Variants in PTPRG observed in about 807,000 individuals in gnomAD.
PTPRG encodes protein tyrosine phosphatase receptor type G.
A neutral mutation model predicts 165.3 loss-of-function variants in PTPRG; 102 were observed. That is an observed-to-expected ratio of 0.62 (90% CI 0.53 to 0.73). The LOEUF (loss-of-function observed/expected upper bound fraction) is 0.73. Among genes scored for constraint, PTPRG ranks in the 30% least tolerant of loss-of-function variants. PTPRG has a pLI of 0.00. For missense variants in PTPRG, 1,866 were observed against 1,861.4 expected, an observed-to-expected ratio of 1.00 and a Z score of -0.05; for synonymous variants, 675 against 669.5, an observed-to-expected ratio of 1.01 and a Z score of -0.13.
chr3:61,926,759 A>G lies in PTPRG; in HGVS notation c.191-62866A>G, dbSNP rs370698590. The stretch of plus-strand genomic sequence containing the variant: ...AGTTTGTAGTGATATCTCAGATTTA[A>G]TCCACATCTTAGTACATTTTATGGT... On this transcript the variant is annotated intron_variant, in intron 2 of 29. Coordinates refer to ENST00000474889, the MANE Select transcript of PTPRG (RefSeq NM_002841.4). 5.3e-5 allele frequency among the ~76,000 whole-genome samples: 8 copies of G among 152,030 alleles called. No homozygotes were observed. The East Asian group carries it at 7.8e-4, about 15-fold the overall frequency.
intron 2 of PTPRG, among the ~76,000 whole-genome samples, chr3:61,844,030 C>T (rs1331865685): frequency 1.4e-5 from 2 of 147,412 alleles, no homozygotes; most frequent in African/African-American, 5.0e-5. Flanking sequence ...GTGGCACAAT[C>T]TCGTCTCACT....
chr3:61,815,908 A>G (rs779076018), intron 2 of PTPRG, among the ~76,000 whole-genome samples: 1 of 152,162 alleles, frequency 6.6e-6, no homozygotes, highest in Non-Finnish European at 1.5e-5. Context: ...CATTATTTTC[A>G]TTTTTATTTC....
chr3:62,011,723 C>T (rs2041426562), intron 4 of PTPRG, among the ~76,000 whole-genome samples: 1 of 152,146 alleles, frequency 6.6e-6, no homozygotes, highest in Admixed American at 6.5e-5. Flanking sequence ...AGAGAATACT[C>T]AGTGGAGAAG....
intron 1 of PTPRG, among the ~76,000 whole-genome samples, chr3:61,587,555 A>C (rs1700462120): frequency 6.6e-6 from 1 of 152,214 alleles, no homozygotes; most frequent in African/African-American, 2.4e-5. Context: ...ACTCAGATAC[A>C]TTCTGTTATG....
At chr3:62,007,747 C>G (rs549225042) in intron 4 of PTPRG, among the ~76,000 whole-genome samples, 1 of 152,166 alleles carries the variant, frequency 6.6e-6, no homozygotes, top group Non-Finnish European at 1.5e-5. Context: ...GGGATGGAAG[C>G]TTTCAATGGA....
At chr3:62,160,051 T>C (rs1704689523) in intron 7 of PTPRG, among the ~76,000 whole-genome samples, 1 of 152,246 alleles carries the variant, frequency 6.6e-6, no homozygotes, top group African/African-American at 2.4e-5. Flanking sequence ...AGGAATTCCA[T>C]GTCTGCCTCT....
At chr3:62,072,976 T>C (rs966830722) in intron 4 of PTPRG, among the ~76,000 whole-genome samples, 6 of 151,886 alleles carry the variant, frequency 4.0e-5, no homozygotes, top group Non-Finnish European at 7.4e-5. Flanking sequence ...TGCTAAAAAA[T>C]AAAAAAATAG....
intron 2 of PTPRG, among the ~76,000 whole-genome samples, chr3:61,828,768 G>GT (rs1203278512): frequency 1.3e-5 from 2 of 152,226 alleles, no homozygotes; most frequent in African/African-American, 4.8e-5. Context: ...CTTGCCTGCA[G>GT]TGACAGCAGC....
intron 1 of PTPRG, among the ~76,000 whole-genome samples, chr3:61,585,299 G>T (rs200554613): frequency 7.2e-6 from 1 of 138,906 alleles, no homozygotes; most frequent in Admixed American, 7.1e-5. Context: ...AAAAAAAAAA[G>T]AAAAAGGAAG....
At chr3:61,910,776 TTCGGTGCAGC>T (rs1241335354) in intron 2 of PTPRG, among the ~76,000 whole-genome samples, 11 of 152,178 alleles carry the variant, frequency 7.2e-5, no homozygotes, top group Non-Finnish European at 1.6e-4. Flanking sequence ...CCTGCCTCTG[TTCGGTGCAGC>T]CAGGAGGAAA....
At chr3:61,905,422 C>T (rs978835535) in intron 2 of PTPRG, among the ~76,000 whole-genome samples, 2 of 152,148 alleles carry the variant, frequency 1.3e-5, no homozygotes, top group African/African-American at 2.4e-5. Context: ...CTTCCCCTTC[C>T]ATCTTTTGAC....
At chr3:62,059,911 C>T (rs554952658) in intron 4 of PTPRG, among the ~76,000 whole-genome samples, 2 of 152,166 alleles carry the variant, frequency 1.3e-5, no homozygotes, top group African/African-American at 4.8e-5. Flanking sequence ...TTGCTTCCCC[C>T]TCCACCATGA....
At chr3:61,664,057 C>T (rs1452970604) in intron 1 of PTPRG, among the ~76,000 whole-genome samples, 4 of 152,148 alleles carry the variant, frequency 2.6e-5, no homozygotes, top group East Asian at 3.9e-4. Context: ...GGTCAGAGAA[C>T]GAATGTGAAG....
intron 2 of PTPRG, among the ~76,000 whole-genome samples, chr3:61,877,955 C>A (rs1049250694): frequency 2.0e-5 from 3 of 152,152 alleles, no homozygotes; most frequent in Non-Finnish European, 4.4e-5. Flanking sequence ...ATAATTAGCT[C>A]CTCGCACAAT....
chr3:62,068,252 G>C (rs1701085993), intron 4 of PTPRG, among the ~76,000 whole-genome samples: 1 of 152,106 alleles, frequency 6.6e-6, no homozygotes, highest in Non-Finnish European at 1.5e-5. Flanking sequence ...CTTTATGCTT[G>C]AGGCTGCCTC....
At chr3:61,644,167 AG>A (rs1468446845) in intron 1 of PTPRG, among the ~76,000 whole-genome samples, 1 of 152,232 alleles carries the variant, frequency 6.6e-6, no homozygotes, top group African/African-American at 2.4e-5. Flanking sequence ...CTACTGTGTC[AG>A]GCCTCTGTCT....
At chr3:62,242,336 G>A (rs765331638) in intron 14 of PTPRG, among the ~76,000 whole-genome samples, 8 of 152,228 alleles carry the variant, frequency 5.3e-5, no homozygotes, top group Non-Finnish European at 1.0e-4. Context: ...AAAAAAACAC[G>A]CTCATTTTTC....
chr3:62,202,418 A>C (rs1224605409), intron 11 of PTPRG, among the ~76,000 whole-genome samples: 1 of 152,172 alleles, frequency 6.6e-6, no homozygotes, highest in Admixed American at 6.5e-5. Flanking sequence ...CTGCCTCCAG[A>C]GTAGCATGGA....
At chr3:61,838,912 T>A (rs2036544265) in intron 2 of PTPRG, among the ~76,000 whole-genome samples, 1 of 152,240 alleles carries the variant, frequency 6.6e-6, no homozygotes. Context: ...ATATAAAATC[T>A]AAGCTTTTCA....
Sources: gnomAD v4.1 joint callset for allele counts (sites outside exome capture counted in the v4.1 genomes callset) on GRCh38, gnomAD v4.1.1 for gene constraint, MANE v1.5 for transcripts, NCBI Gene and HGNC (gene_info 2026-07-23, HGNC 2026-07-21) for gene names.